Variants in GPC5 observed in about 807,000 individuals in gnomAD.
The protein encoded by GPC5 is glypican 5, also known as glypican-5.
In GPC5, 47 loss-of-function variants were observed where a neutral mutation model predicts 53.9. The observed-to-expected ratio is 0.87, with a 90% CI of 0.69 to 1.11. The LOEUF (loss-of-function observed/expected upper bound fraction) is 1.11. GPC5 is among the 50% of genes most tolerant of loss of function. GPC5 has a pLI of 0.00. For missense variants in GPC5, 748 were observed against 713.1 expected (o/e 1.05, Z -0.56); for synonymous variants, 286 against 263.3 (o/e 1.09, Z -0.84).
chr13:91,868,879 C>CTAT (rs982740719), intron 5 of GPC5, among the ~76,000 whole-genome samples: 42 of 151,976 alleles, frequency 2.8e-4, no homozygotes, highest in African/African-American at 7.3e-4. Flanking sequence ...TACAGAGACA[C>CTAT]TATATGCAGT....
At chr13:92,663,467 G>T (rs1232462662) in intron 7 of GPC5, among the ~76,000 whole-genome samples, 1 of 150,784 alleles carries the variant, frequency 6.6e-6, no homozygotes, top group African/African-American at 2.4e-5. Flanking sequence ...GGTGGGGCGC[G>T]GTGGCTCACG....
chr13:92,204,509 G>A (rs551924605), intron 7 of GPC5, among the ~76,000 whole-genome samples: 4 of 152,226 alleles, frequency 2.6e-5, no homozygotes, highest in Non-Finnish European at 4.4e-5. Flanking sequence ...AGGAATCAGG[G>A]TCCAATTACA....
At chr13:91,519,546 A>C (rs893898789) in intron 2 of GPC5, among the ~76,000 whole-genome samples, 1 of 152,216 alleles carries the variant, frequency 6.6e-6, no homozygotes, top group Non-Finnish European at 1.5e-5. Flanking sequence ...TTCTTCGGCC[A>C]TGTGAAGATG....
intron 7 of GPC5, among the ~76,000 whole-genome samples, chr13:92,405,816 T>C (rs1875770010): frequency 6.6e-6 from 1 of 152,192 alleles, no homozygotes; most frequent in South Asian, 2.1e-4. Context: ...TCCTCTGAAA[T>C]CACACGTTTA....
chr13:91,928,328 A>G (rs532613517), intron 6 of GPC5, among the ~76,000 whole-genome samples: 2 of 152,286 alleles, frequency 1.3e-5, no homozygotes, highest in South Asian at 2.1e-4. Flanking sequence ...TTCAATTTTC[A>G]TAGGAAGGTC....
chr13:92,299,658 T>G (rs1347166240), intron 7 of GPC5, among the ~76,000 whole-genome samples: 2 of 152,204 alleles, frequency 1.3e-5, no homozygotes, highest in East Asian at 3.8e-4. Flanking sequence ...CTATAATTAT[T>G]CCTGAAGCCC....
chr13:92,389,057 T>G (rs9301805), intron 7 of GPC5, among the ~76,000 whole-genome samples: 5 of 151,912 alleles, frequency 3.3e-5, no homozygotes, highest in Admixed American at 3.3e-4. Context: ...TCTCTTTCTT[T>G]TCTTGTTCAT....
At chr13:91,982,873 C>A (rs1258920939) in intron 6 of GPC5, among the ~76,000 whole-genome samples, 1 of 152,116 alleles carries the variant, frequency 6.6e-6, no homozygotes, top group Non-Finnish European at 1.5e-5. Context: ...AAGAGAAGAG[C>A]TTCCGAGTCA....
chr13:91,632,544 A>G (rs2034185059), intron 2 of GPC5, among the ~76,000 whole-genome samples: 1 of 152,138 alleles, frequency 6.6e-6, no homozygotes, highest in Admixed American at 6.6e-5. Flanking sequence ...AGGAAAATAT[A>G]ATGGAAAGAA....
chr13:91,794,620 G>A (rs1178217065), intron 5 of GPC5, among the ~76,000 whole-genome samples: 2 of 152,148 alleles, frequency 1.3e-5, no homozygotes, highest in Non-Finnish European at 2.9e-5. Flanking sequence ...CTATCAATTT[G>A]CTAATAAATA....
chr13:91,608,686 G>T (rs953870696), intron 2 of GPC5, among the ~76,000 whole-genome samples: 2 of 152,076 alleles, frequency 1.3e-5, no homozygotes, highest in African/African-American at 4.8e-5. Context: ...CTGTTCAGGG[G>T]ACTTTGTGGG....
chr13:92,518,252 A>T (rs551097902), intron 7 of GPC5, among the ~76,000 whole-genome samples: 161 of 152,318 alleles, frequency 1.1e-3, no homozygotes, highest in African/African-American at 3.7e-3. Context: ...GCAGGCCAAC[A>T]TTCAAATTCA....
intron 7 of GPC5, among the ~76,000 whole-genome samples, chr13:92,438,377 AAAATAAAT>A (rs35251298): frequency 3.2e-4 from 14 of 43,426 alleles, no homozygotes; most frequent in African/African-American, 1.0e-3. Context: ...CGTTTAAAGC[AAAATAAAT>A]ATATATATAT....
chr13:91,615,718 G>A (rs1310133679), intron 2 of GPC5, among the ~76,000 whole-genome samples: 1 of 152,136 alleles, frequency 6.6e-6, no homozygotes, highest in African/African-American at 2.4e-5. Context: ...AATAGGCACA[G>A]AGAATTTCCC....
chr13:91,786,275 G>A (rs9560856), intron 5 of GPC5, among the ~76,000 whole-genome samples: 7,348 of 152,210 alleles, frequency 0.048, 364 homozygotes, highest in East Asian at 0.22. Flanking sequence ...GATTACAGGC[G>A]TGAGCCACCA....
At position 91,907,938 on chromosome 13, in the gene GPC5, T is replaced by G; in HGVS notation, c.1282T>G (p.Tyr428Asp). The G allele has an allele frequency of 6.3e-7, 1 of 1,594,850 alleles. No individual in the cohort carries two copies. Among genetic ancestry groups the G allele is most frequent in the South Asian group, 1.1e-5 (1 of 90,948 alleles). Residue 428 changes from tyrosine (Y) to aspartate (D), a missense_variant and splice_region_variant, in exon 6 of 8, where the codon TAT (tyrosine) becomes GAT (aspartate). Transcript: ENST00000377067. ...CWNGEDIVKS[Y>D]TQRVVGNGIK... ...TATCTTTCACATTTCCCTTGCTAGTTATACTCAGCGTGTGGTTGGAAATGG... is the reference window on the plus strand; with the variant it reads ...TATCTTTCACATTTCCCTTGCTAGTGATACTCAGCGTGTGGTTGGAAATGG...
At chr13:92,188,670 A>C (rs1424494107) in intron 7 of GPC5, among the ~76,000 whole-genome samples, 1 of 152,228 alleles carries the variant, frequency 6.6e-6, no homozygotes, top group East Asian at 1.9e-4. Flanking sequence ...TATATATAAC[A>C]GGGTTTTTCA....
At chr13:92,130,629 T>C (rs2041736011) in intron 6 of GPC5, among the ~76,000 whole-genome samples, 1 of 152,034 alleles carries the variant, frequency 6.6e-6, no homozygotes, top group Admixed American at 6.6e-5. Context: ...AGAAAAGTAA[T>C]TTATAAGGAA....
At chr13:92,606,895 G>A (rs2139089275) in intron 7 of GPC5, among the ~76,000 whole-genome samples, 1 of 152,134 alleles carries the variant, frequency 6.6e-6, no homozygotes, top group South Asian at 2.1e-4. Context: ...TACTTTATAA[G>A]CAATTACTCC....
Sources: allele counts gnomAD v4.1 joint callset (sites outside exome capture counted in the v4.1 genomes callset), GRCh38; gene constraint gnomAD v4.1.1; transcripts MANE v1.5; gene names NCBI Gene and HGNC (gene_info 2026-07-23, HGNC 2026-07-21).